GALNT17: variants seen among roughly 807,000 people sequenced by gnomAD.
The protein encoded by GALNT17 is UDP-GalNAc:polypeptide N-acetylgalactosaminyltransferase-like 3.
Under a neutral mutation model 63.7 loss-of-function variants are expected in GALNT17, and 29 were observed. The observed-to-expected ratio is 0.46, with a 90% CI of 0.34 to 0.62. GALNT17 has a LOEUF of 0.62. GALNT17 is among the 20% of genes least tolerant of loss of function. The pLI is 0.01. For synonymous variants in GALNT17, 305 were observed against 318.3 expected (o/e 0.96, Z 0.45); for missense variants, 603 against 799.6 (o/e 0.75, Z 2.97).
intron 1 of GALNT17, among the ~76,000 whole-genome samples, chr7:71,202,100 TC>T (rs1562910609): frequency 6.6e-6 from 1 of 152,302 alleles, no homozygotes; most frequent in African/African-American, 2.4e-5. Context: ...TTCATTCCTT[TC>T]CCCCAAATAG....
At chr7:71,211,299 A>G (rs1225958688) in intron 1 of GALNT17, among the ~76,000 whole-genome samples, 2 of 152,164 alleles carry the variant, frequency 1.3e-5, no homozygotes, top group East Asian at 3.9e-4. Flanking sequence ...TGGGTTTATC[A>G]GGGGTTTCCG....
intron 5 of GALNT17, among the ~76,000 whole-genome samples, chr7:71,441,797 G>C (rs898041759): frequency 2.6e-5 from 4 of 152,138 alleles, no homozygotes; most frequent in African/African-American, 9.7e-5. Context: ...CCATGTCCCT[G>C]CAAAGGACAT....
At chr7:71,267,404 T>A (rs1023815916) in intron 1 of GALNT17, among the ~76,000 whole-genome samples, 1 of 152,144 alleles carries the variant, frequency 6.6e-6, no homozygotes, top group Non-Finnish European at 1.5e-5. Flanking sequence ...GATATGTGGT[T>A]TTTAACATAG....
chr7:71,265,839 T>G (rs1790483695), intron 1 of GALNT17, among the ~76,000 whole-genome samples: 1 of 152,184 alleles, frequency 6.6e-6, no homozygotes, highest in Non-Finnish European at 1.5e-5. Flanking sequence ...ATGTATTAGT[T>G]TCATGCTGCT....
rs1790928441 is a variant in GALNT17, at chr7:71,662,803, A to ATT, written c.1081-2608_1081-2607insTT. Among the ~76,000 whole-genome samples, 28 of 152,260 alleles carry ATT rather than the reference A, an allele frequency of 1.8e-4. No homozygotes were observed. The South Asian group carries it at 5.0e-3, about 27-fold the overall frequency. On this transcript the variant is annotated intron_variant, in intron 6 of 10. Transcript: ENST00000333538. ...GACATTTGCTTAATCCAAGGTCATG[A>ATT]ATTTTTACTCTTATGTTTTCTTCTA...
At chr7:71,480,573 C>G (rs1023076387) in intron 5 of GALNT17, among the ~76,000 whole-genome samples, 3 of 152,204 alleles carry the variant, frequency 2.0e-5, no homozygotes, top group Admixed American at 2.0e-4. Flanking sequence ...ATGGCACGAT[C>G]TTGGCTCACT....
At chr7:71,502,917 A>T (rs1188721903) in intron 5 of GALNT17, among the ~76,000 whole-genome samples, 2 of 152,136 alleles carry the variant, frequency 1.3e-5, no homozygotes, top group Admixed American at 6.6e-5. Context: ...AGTGCTTGAG[A>T]TGGCTCTTAA....
At chr7:71,493,446 A>AAGTTTAATGGACTCACAGTTCTACG (rs1294430088) in intron 5 of GALNT17, among the ~76,000 whole-genome samples, 3 of 152,162 alleles carry the variant, frequency 2.0e-5, no homozygotes, top group Non-Finnish European at 4.4e-5. Context: ...AAAGAAAAAG[A>AAGTTTAATGGACTCACAGTTCTACG]AGTTTAATGG....
intron 9 of GALNT17, 21 bp downstream of exon 9, chr7:71,677,327 A>G (rs73354138): frequency 0.071 from 113,887 of 1,608,560 alleles, 5,651 homozygotes; most frequent in African/African-American, 0.25. Context: ...GTCTCTGACC[A>G]GGAAGGAAGT....
At chr7:71,628,983 T>A (rs10265750) in intron 6 of GALNT17, among the ~76,000 whole-genome samples, 11,523 of 152,178 alleles carry the variant, frequency 0.076, 549 homozygotes, top group African/African-American at 0.14. Context: ...TCTGAACCAC[T>A]GTTCAGACTG....
At chr7:71,668,431 G>A (rs1195497938) in intron 7 of GALNT17, among the ~76,000 whole-genome samples, 1 of 140,398 alleles carries the variant, frequency 7.1e-6, no homozygotes, top group Non-Finnish European at 1.5e-5. Context: ...CAGGAGAATC[G>A]CTTGAACCTG....
At chr7:71,314,242 TGTGA>T (rs1466040498) in intron 1 of GALNT17, among the ~76,000 whole-genome samples, 2 of 152,214 alleles carry the variant, frequency 1.3e-5, no homozygotes, top group East Asian at 1.9e-4. Context: ...TGAGTGTGTG[TGTGA>T]GTGTGTGTCT....
intron 1 of GALNT17, among the ~76,000 whole-genome samples, chr7:71,324,572 C>T (rs1006012702): frequency 2.0e-5 from 3 of 152,082 alleles, no homozygotes; most frequent in African/African-American, 4.8e-5. Context: ...GCAGGAGAAT[C>T]GTTTGAACCC....
intron 6 of GALNT17, among the ~76,000 whole-genome samples, chr7:71,614,679 TGGAA>T (rs1264012312): frequency 8.0e-6 from 1 of 125,060 alleles, no homozygotes; most frequent in Admixed American, 8.7e-5. Context: ...GAAGGAAGGA[TGGAA>T]GGAAGGGAGG....
intron 5 of GALNT17, among the ~76,000 whole-genome samples, chr7:71,488,381 A>G (rs983109661): frequency 2.0e-5 from 3 of 151,884 alleles, no homozygotes; most frequent in African/African-American, 4.8e-5. Context: ...GCTGTGGGGA[A>G]TTGTCAAGGA....
intron 6 of GALNT17, among the ~76,000 whole-genome samples, chr7:71,610,320 A>G (rs1032603619): frequency 1.3e-5 from 2 of 151,834 alleles, no homozygotes; most frequent in Non-Finnish European, 2.9e-5. Flanking sequence ...GCAAGACTCT[A>G]TCTCTTTAAA....
chr7:71,370,943 G>C (rs1583897374), intron 2 of GALNT17, among the ~76,000 whole-genome samples: 1 of 152,182 alleles, frequency 6.6e-6, no homozygotes, highest in East Asian at 1.9e-4. Context: ...TCGTGGGATT[G>C]CTCCTGGGTA....
rs57171551 is a variant in GALNT17 at position 71,376,425 on chromosome 7, G to GTTTTT, written c.423-11786_423-11782dup. Among the ~76,000 whole-genome samples, 86 of 63,362 alleles carry GTTTTT rather than the reference G, an allele frequency of 1.4e-3. 3 individuals are homozygous for GTTTTT. The highest frequency in any genetic ancestry group is 2.8e-3 in the Admixed American group (10 of 3,610). The allele number at this position is 63,362 out of a possible 152,430, so 41.6% of individuals were successfully genotyped here. Reference sequence around the variant, plus strand: ...TTAATAAAACTTAAGGTTTGGAGTTGTTTTTTTTTTTTTTTTTTTTTTTTT... The same window carrying GTTTTT: ...TTAATAAAACTTAAGGTTTGGAGTTGTTTTTTTTTTTTTTTTTTTTTTTTTTTTTT... On this transcript the variant is annotated intron_variant, in intron 2 of 10. Coordinates refer to ENST00000333538, the MANE Select transcript of GALNT17 (RefSeq NM_022479.3).
At chr7:71,484,574 A>T (rs1787877917) in intron 5 of GALNT17, among the ~76,000 whole-genome samples, 1 of 152,150 alleles carries the variant, frequency 6.6e-6, no homozygotes, top group Admixed American at 6.5e-5. Flanking sequence ...ATTGCCACAA[A>T]CATGTGAGTA....
Sources: gnomAD v4.1 joint callset for allele counts (sites outside exome capture counted in the v4.1 genomes callset) on GRCh38, gnomAD v4.1.1 for gene constraint, MANE v1.5 for transcripts, NCBI Gene and HGNC (gene_info 2026-07-23, HGNC 2026-07-21) for gene names.